TJP3: variants seen among roughly 807,000 people sequenced by gnomAD.
TJP3 encodes tight junction protein 3.
TJP3 carries 85 observed loss-of-function variants against 104.2 expected under a neutral mutation model. The ratio of observed to expected loss-of-function variants is 0.82; its 90% CI spans 0.68 to 0.98. The LOEUF (loss-of-function observed/expected upper bound fraction) is 0.98, where lower values mean the gene tolerates loss of function less well. TJP3 is among the 50% of genes least tolerant of loss of function. The pLI, the probability that TJP3 is intolerant of heterozygous loss-of-function variation, is 0.00. For missense variants in TJP3, 1,367 were observed against 1,322.8 expected, an observed-to-expected ratio of 1.03 and a Z score of -0.52; for synonymous variants, 550 against 550.6, an observed-to-expected ratio of 1.00 and a Z score of 0.02.
At chr19:3,724,385 CG>C (rs1568380216) in intron 1 of TJP3, among the ~76,000 whole-genome samples, 1 of 152,074 alleles carries the variant, frequency 6.6e-6, no homozygotes, top group Non-Finnish European at 1.5e-5. Context: ...TTAGTAGAGA[CG>C]GGGTTTCACC....
At chr19:3,744,107 G>C in intron 15 of TJP3, 73 bp downstream of exon 15, 1 of 1,415,366 alleles carries the variant, frequency 7.1e-7, no homozygotes, top group Non-Finnish European at 9.9e-7. Flanking sequence ...GGGGGTCGGG[G>C]GAGAGTTAGA....
Position 3,730,554 on chromosome 19 carries a change from G to GGGGCC in TJP3, c.469_473dup (p.Ser159ProfsTer34), listed in dbSNP as rs774552427. 10 of 1,604,302 alleles carry GGGGCC rather than the reference G, an allele frequency of 6.2e-6. No individual in the cohort carries two copies. In the East Asian group the frequency reaches 2.0e-4, roughly 32 times the overall value. The stretch of plus-strand genomic sequence containing the variant: ...TCCCGCCGGCCGAGGCCTGGTCGCC[G>GGGGCC]GGGCCGGGCCGGCAGCCATGGGCGT... On this transcript the variant is annotated frameshift_variant, in exon 5 of 21. Transcript: ENST00000541714. LOFTEE classifies it high-confidence loss of function. The surrounding 1 kb of genome is among the most constrained non-coding windows in gnomAD (Gnocchi z 7.3).
chr19:3,743,184 A>T (rs2036845365), intron 14 of TJP3, among the ~76,000 whole-genome samples: 2 of 151,964 alleles, frequency 1.3e-5, no homozygotes, highest in South Asian at 2.1e-4. Context: ...GAACTGCATG[A>T]ACCTGGAAGG....
chr19:3,733,003 C>T (rs368613411), intron 6 of TJP3, among the ~76,000 whole-genome samples: 64 of 147,460 alleles, frequency 4.3e-4, no homozygotes, highest in African/African-American at 1.5e-3. Flanking sequence ...TGACTGTTTT[C>T]TTTTCTCTTT....
chr19:3,732,669 C>G (rs1425947911), intron 6 of TJP3, among the ~76,000 whole-genome samples: 1 of 152,102 alleles, frequency 6.6e-6, no homozygotes, highest in African/African-American at 2.4e-5. Context: ...GCCACCACAC[C>G]CAGCTAATGT....
intron 1 of TJP3, among the ~76,000 whole-genome samples, chr19:3,721,246 C>T (rs866976303): frequency 1.3e-5 from 2 of 152,052 alleles, no homozygotes; most frequent in African/African-American, 2.4e-5. Flanking sequence ...GAAGACAGAG[C>T]CCGCAGGCCA....
chr19:3,715,093 G>GT (rs34360179), intron 1 of TJP3, among the ~76,000 whole-genome samples: 29,815 of 142,884 alleles, frequency 0.21, 3,394 homozygotes, highest in African/African-American at 0.29. Context: ...TGGTTGGTTG[G>GT]TTTTTTTTTT....
chr19:3,748,086 G>A lies in TJP3; in HGVS notation c.2610+5G>A, dbSNP rs968832285. The A allele has an allele frequency of 1.2e-5, 18 of 1,549,864 alleles. No individual in the cohort carries two copies. The African/African-American group carries it at 1.4e-4, about 12-fold the overall frequency. ...TCGGCTCATCAGGGGGCCCAGGTGCGTCGGACATGGGGGGCAGGCCTGGGA... is the reference window on the plus strand; with the variant it reads ...TCGGCTCATCAGGGGGCCCAGGTGCATCGGACATGGGGGGCAGGCCTGGGA... On this transcript the variant is annotated splice_donor_5th_base_variant and intron_variant, in intron 19 of 20. Transcript: ENST00000541714.
intron 11 of TJP3, among the ~76,000 whole-genome samples, chr19:3,737,168 CTG>C (rs2036749146): frequency 6.6e-6 from 1 of 152,144 alleles, no homozygotes; most frequent in African/African-American, 2.4e-5. Flanking sequence ...GCTTGAGACA[CTG>C]TGCTCAAGAT....
At chr19:3,715,090 TTGG>T (rs1427441110) in intron 1 of TJP3, among the ~76,000 whole-genome samples, 4 of 146,150 alleles carry the variant, frequency 2.7e-5, no homozygotes, top group African/African-American at 7.9e-5. Context: ...GTTTGGTTGG[TTGG>T]TTTTTTTTTT....
At position 3,750,612 on chromosome 19, in the gene TJP3, G is replaced by A. The variant is rs1484772467; in HGVS notation, c.2688G>A (p.Lys896=). The change falls in exon 21 of 21, where the codon AAG becomes AAA. Residue 896 remains lysine, a synonymous_variant. Transcript: ENST00000541714. ...ATGAACGGGAAGCCCTGAAGAAAAA[G>A]TTTATGCGAGTACATGATGCGGAGT... ...RTYEREALKK[K]FMRVHDAESS... 1 of 1,608,634 alleles carries A rather than the reference G, an allele frequency of 6.2e-7. No homozygotes were observed. The highest frequency in any genetic ancestry group is 8.5e-7 in the Non-Finnish European group (1 of 1,177,624).
Position 3,735,907 on chromosome 19 carries a change from C to T in TJP3, c.1099C>T (p.Pro367Ser), listed in dbSNP as rs1162191191. 4 of 1,614,042 alleles carry T rather than the reference C, an allele frequency of 2.5e-6. No homozygotes were observed. In the East Asian group the frequency reaches 6.7e-5, roughly 27 times the overall value. ...RESSYDIYRV[P>S]SSQSMEDRGY... ...AAGCAGCTATGACATCTACAGAGTG[C>T]CCAGCAGTCAGAGCATGGAGGATCG... is the stretch of plus-strand genomic sequence containing the variant. Residue 367 changes from proline (P) to serine (S), a missense_variant, in exon 10 of 21, where the codon CCC becomes TCC. Transcript: ENST00000541714.
chr19:3,711,764 G>A (rs1346751891), intron 1 of TJP3, among the ~76,000 whole-genome samples: 1 of 133,898 alleles, frequency 7.5e-6, no homozygotes, highest in Non-Finnish European at 1.6e-5. Context: ...TGCTTTATGT[G>A]TCTGCTTAAT....
intron 1 of TJP3, among the ~76,000 whole-genome samples, chr19:3,713,283 G>A (rs1245183365): frequency 6.6e-6 from 1 of 151,958 alleles, no homozygotes; most frequent in Non-Finnish European, 1.5e-5. Flanking sequence ...CTCCTGCCCC[G>A]TCCTCTCCAC....
intron 1 of TJP3, among the ~76,000 whole-genome samples, chr19:3,709,179 G>A (rs992294674): frequency 4.6e-5 from 7 of 152,046 alleles, no homozygotes; most frequent in African/African-American, 1.2e-4. Flanking sequence ...GCAGTGGTGC[G>A]ATCTTGGCTC....
chr19:3,731,918 C>T lies in TJP3; in HGVS notation c.614-17C>T, dbSNP rs186503003. 485 of 1,608,158 alleles carry T rather than the reference C, an allele frequency of 3.0e-4. 2 individuals carry two copies. The African/African-American group carries it at 5.6e-3, about 19-fold the overall frequency. ...TCTCCAGAGTCCTGCCTCAGTTTCCCTCCTCCCCCCTTACAGAGTTTGGCG... is the reference window on the plus strand; with the variant it reads ...TCTCCAGAGTCCTGCCTCAGTTTCCTTCCTCCCCCCTTACAGAGTTTGGCG... On this transcript the variant is annotated splice_polypyrimidine_tract_variant and intron_variant, in intron 5 of 20. Coordinates refer to ENST00000541714, the MANE Select transcript of TJP3 (RefSeq NM_001267560.2).
In TJP3 at chr19:3,722,956, G is replaced by C. The variant is rs192949460; in HGVS notation, c.-9-5468G>C. 2.9e-5 allele frequency among the ~76,000 whole-genome samples: 4 copies of C among 138,854 alleles called. No homozygotes were observed. In the East Asian group the frequency reaches 8.8e-4, roughly 31 times the overall value. 91.1% of individuals were successfully genotyped at this position (138,854 alleles called of 152,430 possible). A position where few individuals can be genotyped will look rare whatever the true frequency, so the allele number is the denominator to read the frequency against. On this transcript the variant is annotated intron_variant, in intron 1 of 20. Transcript: ENST00000541714. ...TCCCCTCTGGGCGGGCCTCTTGTTC[G>C]GTGTTTGTGTCCAGCCCTGGGCGGG... is the stretch of plus-strand genomic sequence containing the variant.
At chr19:3,738,395 GT>G (rs2036765758) in intron 11 of TJP3, among the ~76,000 whole-genome samples, 159 bp from the exon 12 acceptor site, 2 of 152,182 alleles carry the variant, frequency 1.3e-5, no homozygotes, top group Admixed American at 1.3e-4. Flanking sequence ...CAGCCATAGG[GT>G]GATACCCCAG....
intron 1 of TJP3, among the ~76,000 whole-genome samples, chr19:3,711,399 G>C (rs62130630): frequency 2.1e-5 from 3 of 143,304 alleles, no homozygotes; most frequent in African/African-American, 7.7e-5. Context: ...GGGTTTCACC[G>C]TATTGGTCAG....
Sources: gnomAD v4.1 joint callset for allele counts (sites outside exome capture counted in the v4.1 genomes callset) on GRCh38, gnomAD v4.1.1 for gene constraint, Gnocchi (gnomAD v3.1) non-coding constraint, MANE v1.5 for transcripts, NCBI Gene and HGNC (gene_info 2026-07-23, HGNC 2026-07-21) for gene names.